Variants in CDH18 observed in about 807,000 individuals in gnomAD.
CDH18 encodes the protein cadherin-18.
CDH18 carries 31 observed loss-of-function variants against 67.9 expected under a neutral mutation model. The ratio of observed to expected loss-of-function variants is 0.46; its 90% CI spans 0.34 to 0.62. The LOEUF (loss-of-function observed/expected upper bound fraction) is 0.62. CDH18 is among the 20% of genes least tolerant of loss of function. The pLI is 0.01. For missense variants in CDH18, 890 were observed against 975.5 expected, an observed-to-expected ratio of 0.91 and a Z score of 1.17; for synonymous variants, 362 against 347.2, an observed-to-expected ratio of 1.04 and a Z score of -0.48.
At chr5:20,237,694 C>T (rs1419339714) in intron 2 of CDH18, among the ~76,000 whole-genome samples, 2 of 151,894 alleles carry the variant, frequency 1.3e-5, no homozygotes, top group African/African-American at 4.8e-5. Context: ...AAACCTTGCT[C>T]CTGTGTCAGA....
At chr5:20,353,558 T>A (rs1741378898) in intron 1 of CDH18, among the ~76,000 whole-genome samples, 1 of 152,152 alleles carries the variant, frequency 6.6e-6, no homozygotes, top group Non-Finnish European at 1.5e-5. Context: ...TAATCCTACA[T>A]ATTGTATTTT....
At chr5:20,321,300 C>T (rs1259547343) in intron 1 of CDH18, among the ~76,000 whole-genome samples, 1 of 151,976 alleles carries the variant, frequency 6.6e-6, no homozygotes, top group African/African-American at 2.4e-5. Flanking sequence ...CTCAAAATCT[C>T]CTTGATCCCT....
chr5:19,577,415 C>A (rs964713245), intron 7 of CDH18, among the ~76,000 whole-genome samples: 1 of 152,056 alleles, frequency 6.6e-6, no homozygotes, highest in Non-Finnish European at 1.5e-5. Flanking sequence ...ATATTTGGAA[C>A]TTGTGACTTT....
At chr5:20,439,937 A>C (rs564833974) in intron 1 of CDH18, among the ~76,000 whole-genome samples, 1 of 151,940 alleles carries the variant, frequency 6.6e-6, no homozygotes, top group South Asian at 2.1e-4. Context: ...GAATTGTCTA[A>C]ATTTTCAAAG....
At chr5:19,917,350 C>CT (rs1223730500) in intron 2 of CDH18, among the ~76,000 whole-genome samples, 250 of 150,012 alleles carry the variant, frequency 1.7e-3, no homozygotes, top group African/African-American at 5.5e-3. Flanking sequence ...CCCCCGCCCC[C>CT]TTTTTTTTCT....
chr5:20,427,659 C>T (rs956551119), intron 1 of CDH18, among the ~76,000 whole-genome samples: 2 of 151,098 alleles, frequency 1.3e-5, no homozygotes, highest in Admixed American at 1.3e-4. Context: ...GTCTAAATTG[C>T]AATTCAGCCG....
chr5:20,217,951 A>G (rs934103826), intron 2 of CDH18, among the ~76,000 whole-genome samples: 1 of 151,954 alleles, frequency 6.6e-6, no homozygotes, highest in Non-Finnish European at 1.5e-5. Context: ...GAGTCAATTG[A>G]GCAAGAGGAC....
chr5:19,478,253 C>T (rs1227635047), intron 12 of CDH18, among the ~76,000 whole-genome samples: 1 of 152,116 alleles, frequency 6.6e-6, no homozygotes, highest in African/African-American at 2.4e-5. Context: ...TCAACATACT[C>T]CTCCCTAAGT....
At chr5:20,397,235 A>G (rs1390191846) in intron 1 of CDH18, among the ~76,000 whole-genome samples, 2 of 151,942 alleles carry the variant, frequency 1.3e-5, no homozygotes, top group African/African-American at 2.4e-5. Flanking sequence ...GGTTCAAGCA[A>G]TTCTCCTGCC....
chr5:19,673,623 T>C (rs1759065733), intron 5 of CDH18, among the ~76,000 whole-genome samples: 1 of 152,036 alleles, frequency 6.6e-6, no homozygotes, highest in Admixed American at 6.6e-5. Context: ...AATATTCTTT[T>C]AATTAAATCA....
intron 1 of CDH18, among the ~76,000 whole-genome samples, chr5:20,423,946 C>CAAAAAAAAAAAAAAAAAAA (rs553723574): frequency 1.6e-5 from 1 of 63,856 alleles, no homozygotes; most frequent in African/African-American, 8.9e-5. Context: ...GACTCCGTCT[C>CAAAAAAAAAAAAAAAAAAA]AAAAAAAAAA....
At chr5:20,083,948 C>G (rs777274206) in intron 2 of CDH18, among the ~76,000 whole-genome samples, 46 of 152,130 alleles carry the variant, frequency 3.0e-4, no homozygotes, top group Non-Finnish European at 5.7e-4. Context: ...GGTGGGGACA[C>G]AGCCAAACCA....
chr5:19,930,601 C>T (rs1038019990), intron 2 of CDH18, among the ~76,000 whole-genome samples: 1 of 151,792 alleles, frequency 6.6e-6, no homozygotes, highest in Non-Finnish European at 1.5e-5. Flanking sequence ...CGCAAAGCTC[C>T]GGGGGACACT....
intron 5 of CDH18, among the ~76,000 whole-genome samples, chr5:19,694,831 G>A (rs761073712): frequency 2.7e-5 from 4 of 148,898 alleles, no homozygotes; most frequent in Non-Finnish European, 5.9e-5. Flanking sequence ...CTGAGACTGC[G>A]CCACTGTACT....
intron 3 of CDH18, among the ~76,000 whole-genome samples, chr5:19,781,228 C>G (rs1049828850): frequency 6.6e-6 from 1 of 151,648 alleles, no homozygotes; most frequent in Non-Finnish European, 1.5e-5. Context: ...AAGAAAAAAA[C>G]AGCAAATTAT....
At chr5:20,328,500 TGTGTGTGTGAGA>T (rs1419925603) in intron 1 of CDH18, among the ~76,000 whole-genome samples, 70 of 116,056 alleles carry the variant, frequency 6.0e-4, no homozygotes, top group African/African-American at 1.8e-3. Flanking sequence ...TGTGTGTGTG[TGTGTGTGTGAGA>T]GAGAGAGAGA....
chr5:20,272,615 C>A (rs1397483746), intron 1 of CDH18, among the ~76,000 whole-genome samples: 1 of 151,848 alleles, frequency 6.6e-6, no homozygotes, highest in African/African-American at 2.4e-5. Flanking sequence ...CTATTATTTC[C>A]TTCATTCAGA....
At chr5:19,989,083 A>G (rs1471636240), upstream of CDH18, among the ~76,000 whole-genome samples, 1 of 152,158 alleles carries the variant, frequency 6.6e-6, no homozygotes, top group Non-Finnish European at 1.5e-5. Context: ...TGCATTCAAA[A>G]TTGATCTGGA....
At chr5:19,760,434 C>T (rs1772181998) in intron 3 of CDH18, among the ~76,000 whole-genome samples, 1 of 152,158 alleles carries the variant, frequency 6.6e-6, no homozygotes, top group Admixed American at 6.5e-5. Flanking sequence ...AAAGATCAGG[C>T]ATTTCCAGCT....
Sources: gnomAD v4.1 joint callset for allele counts (sites outside exome capture counted in the v4.1 genomes callset) on GRCh38, gnomAD v4.1.1 for gene constraint, MANE v1.5 for transcripts, NCBI Gene and HGNC (gene_info 2026-07-23, HGNC 2026-07-21) for gene names.